The following TBC1D8 variants were observed in gnomAD, a reference collection of about 807,000 sequenced individuals.
TBC1D8 encodes the protein TBC1 domain family member 8.
In TBC1D8, 65 loss-of-function variants were observed where a neutral mutation model predicts 118.8. The observed-to-expected ratio is 0.55, with a 90% CI of 0.45 to 0.67. TBC1D8 has a LOEUF of 0.67. Among genes scored for constraint, TBC1D8 ranks in the 30% least tolerant of loss-of-function variants. TBC1D8 has a pLI of 0.00. For missense variants in TBC1D8, 1,376 were observed against 1,471.2 expected (o/e 0.94, Z 1.06); for synonymous variants, 566 against 595.8 (o/e 0.95, Z 0.73).
At chr2:101,150,034 T>C (rs1263670214) in intron 1 of TBC1D8, among the ~76,000 whole-genome samples, 3 of 152,202 alleles carry the variant, frequency 2.0e-5, no homozygotes, top group Non-Finnish European at 4.4e-5. Context: ...CCGGTCTCAG[T>C]GTAAGTCTGC....
chr2:101,013,575 A>T (rs1049467436), intron 17 of TBC1D8, among the ~76,000 whole-genome samples: 1 of 152,232 alleles, frequency 6.6e-6, no homozygotes, highest in South Asian at 2.1e-4. Context: ...GTTTGAAGGT[A>T]GTAGGTAACT....
intron 3 of TBC1D8, among the ~76,000 whole-genome samples, chr2:101,056,024 T>C (rs1682403581): frequency 6.7e-6 from 1 of 149,774 alleles, no homozygotes; most frequent in Admixed American, 6.6e-5. Context: ...CTATCATTTA[T>C]TTTTATTAAC....
At chr2:101,009,037 C>T (rs564869815) in intron 19 of TBC1D8, among the ~76,000 whole-genome samples, 5 of 152,210 alleles carry the variant, frequency 3.3e-5, no homozygotes, top group African/African-American at 7.2e-5. Context: ...ATTGAGAATA[C>T]GTAATGTGAG....
At position 101,033,732 on chromosome 2, in the gene TBC1D8, G is replaced by A. The variant is rs1265179524; in HGVS notation, c.1630C>T (p.Pro544Ser). 1.2e-6 allele frequency: 2 copies of A among 1,613,472 alleles called. No homozygotes were observed. The highest frequency in any genetic ancestry group is 8.5e-7 in the Non-Finnish European group (1 of 1,179,524). ...TCCACCAGATTCCCGTAGTAACCAG[G>A]GTGTGAGGCAAGATCCGTCACCGCA... The part of the protein sequence containing the change: ...SDAVTDLASH[P>S]GYYGNLVEES... Residue 544 changes from proline to serine, a missense_variant, in exon 10 of 20, where the codon CCT becomes TCT. Physicochemically the swap from Pro to Ser is moderately conservative, Grantham distance 74 (BLOSUM62 -1). Transcript: ENST00000409318.
intron 2 of TBC1D8, chr2:101,068,254 C>G: frequency 5.7e-6 from 1 of 174,452 alleles, no homozygotes; most frequent in Non-Finnish European, 1.2e-5. Flanking sequence ...GTGCCTCAGG[C>G]ATCTAAAATG....
intron 5 of TBC1D8, among the ~76,000 whole-genome samples, chr2:101,044,631 T>C (rs1366930568): frequency 6.6e-6 from 1 of 152,174 alleles, no homozygotes; most frequent in Admixed American, 6.5e-5. Context: ...CCTATGAGGA[T>C]GGAGACCATC....
At chr2:101,013,718 A>G in intron 17 of TBC1D8, among the ~76,000 whole-genome samples, 1 of 152,188 alleles carries the variant, frequency 6.6e-6, no homozygotes, top group East Asian at 1.9e-4. Context: ...CACTTTCTAA[A>G]TGGGATGCCT....
Position 101,028,443 on chromosome 2 carries a change from C to T in TBC1D8, c.2223-11G>A, listed in dbSNP as rs762744122. The T allele has an allele frequency of 2.1e-5, 33 of 1,543,712 alleles. No individual in the cohort carries two copies. Among genetic ancestry groups the T allele is most frequent in the Admixed American group, 1.4e-4 (7 of 49,836 alleles). On this transcript the variant is annotated splice_polypyrimidine_tract_variant and intron_variant, in intron 12 of 19. Transcript: ENST00000409318. ...ATGTGATCTAGAAACCTGAACACAC[C>T]GCCCCGTCAACGCCCAAGTCCATCC...
intron 2 of TBC1D8, among the ~76,000 whole-genome samples, chr2:101,075,858 T>C (rs1448174051): frequency 6.6e-6 from 1 of 152,208 alleles, no homozygotes; most frequent in Non-Finnish European, 1.5e-5. Context: ...CTGCAATTAA[T>C]TGAAACACAG....
At chr2:101,109,887 CAA>C in intron 1 of TBC1D8, 1 of 985,498 alleles carries the variant, frequency 1.0e-6, no homozygotes, top group Non-Finnish European at 1.2e-6. Context: ...CCCAAACCGG[CAA>C]ACTCTTTGCT....
Position 101,151,277 on chromosome 2 carries a change from C to T in TBC1D8, c.-24G>A. ...ATCGCGGCGGTCCGGCCGCGCCCGC[C>T]GGCCCCAGCTCACATCTCCCCGGCC... On this transcript the variant is annotated 5_prime_UTR_variant, in exon 1 of 20. Transcript: ENST00000409318. The T allele has an allele frequency of 8.8e-7, 1 of 1,142,032 alleles. No individual in the cohort carries two copies. 70.7% of individuals were successfully genotyped at this position (1,142,032 alleles called of 1,614,324 possible).
intron 2 of TBC1D8, among the ~76,000 whole-genome samples, chr2:101,061,986 G>A (rs1046186573): frequency 2.0e-5 from 3 of 152,192 alleles, no homozygotes; most frequent in Non-Finnish European, 2.9e-5. Flanking sequence ...TCAGCTGGTC[G>A]TAACACACGC....
intron 2 of TBC1D8, among the ~76,000 whole-genome samples, chr2:101,061,662 C>T (rs1682759250): frequency 1.3e-5 from 2 of 152,030 alleles, no homozygotes; most frequent in South Asian, 4.2e-4. Context: ...GCCCTGCTGC[C>T]CCTCGGTCCC....
At chr2:101,079,491 T>C (rs1042138178) in intron 2 of TBC1D8, among the ~76,000 whole-genome samples, 1 of 151,942 alleles carries the variant, frequency 6.6e-6, no homozygotes, top group Admixed American at 6.6e-5. Flanking sequence ...CCTCCCGCCT[T>C]AGCCTCTTGA....
At chr2:101,031,528 T>C (rs1680669967) in intron 11 of TBC1D8, among the ~76,000 whole-genome samples, 1 of 152,172 alleles carries the variant, frequency 6.6e-6, no homozygotes, top group South Asian at 2.1e-4. Flanking sequence ...CCATCTCTCA[T>C]CTGAATTACT....
intron 1 of TBC1D8, among the ~76,000 whole-genome samples, chr2:101,102,714 A>T (rs571754370): frequency 6.6e-6 from 1 of 152,234 alleles, no homozygotes; most frequent in South Asian, 2.1e-4. Flanking sequence ...TTAGACAAAT[A>T]GACTTCAAAA....
chr2:101,012,625 CAAA>C lies in TBC1D8; in HGVS notation c.2828-1088_2828-1086del, dbSNP rs71378138. 1.1e-3 allele frequency among the ~76,000 whole-genome samples: 150 copies of C among 135,202 alleles called. 2 individuals carry two copies. The East Asian group carries it at 0.029, about 26-fold the overall frequency. The allele number at this position is 135,202 out of a possible 152,430, so 88.7% of individuals were successfully genotyped here. On this transcript the variant is annotated intron_variant, in intron 17 of 19. Transcript: ENST00000409318. ...TGATCGCTGCACAACTCTGAATATA[CAAA>C]AAAAAAAAAACCCATTGAATTGTAC...
In TBC1D8 at chr2:101,038,489, T is replaced by G. The variant is rs754476292; in HGVS notation, c.1247A>C (p.His416Pro). 1 of 1,613,810 alleles carries G rather than the reference T, an allele frequency of 6.2e-7. No individual in the cohort carries two copies. The highest frequency in any genetic ancestry group is 8.5e-7 in the Non-Finnish European group (1 of 1,179,886). ...LKQVHANHPVHYDTSADDDMA... is the reference protein window; with the variant it reads ...LKQVHANHPVPYDTSADDDMA... Reference sequence around the variant, plus strand: ...GTCATCATCCGCAGAGGTGTCGTAGTGCACGGGGTGGTTGGCGTGGACCTG... The same window carrying G: ...GTCATCATCCGCAGAGGTGTCGTAGGGCACGGGGTGGTTGGCGTGGACCTG... The change falls in exon 7 of 20, where the codon CAC (histidine) becomes CCC (proline). Residue 416 changes from histidine (H) to proline (P), a missense_variant. Physicochemically the swap from His to Pro is moderately conservative, Grantham distance 77. Transcript: ENST00000409318.
In TBC1D8 at chr2:101,038,490, G is replaced by A. The variant is rs778430000; in HGVS notation, c.1246C>T (p.His416Tyr). 11 of 1,613,656 alleles carry A rather than the reference G, an allele frequency of 6.8e-6. No individual in the cohort carries two copies. Among genetic ancestry groups the A allele is most frequent in the Admixed American group, 1.7e-5 (1 of 59,996 alleles). Residue 416 changes from histidine to tyrosine, a missense_variant, in exon 7 of 20, where the codon CAC becomes TAC. Physicochemically the swap from His to Tyr is moderately conservative, Grantham distance 83 (BLOSUM62 2). Transcript: ENST00000409318. ...TCATCATCCGCAGAGGTGTCGTAGTGCACGGGGTGGTTGGCGTGGACCTGC... is the reference window on the plus strand; with the variant it reads ...TCATCATCCGCAGAGGTGTCGTAGTACACGGGGTGGTTGGCGTGGACCTGC... ...LKQVHANHPV[H>Y]YDTSADDDMA...
Sources: allele counts gnomAD v4.1 joint callset (sites outside exome capture counted in the v4.1 genomes callset), GRCh38; gene constraint gnomAD v4.1.1; transcripts MANE v1.5; gene names NCBI Gene and HGNC (gene_info 2026-07-23, HGNC 2026-07-21).